ESRRB: variants seen among roughly 807,000 people sequenced by gnomAD.
ESRRB encodes the protein estrogen related receptor beta, also known as steroid hormone receptor ERR2.
ESRRB carries 16 observed loss-of-function variants against 46.0 expected under a neutral mutation model. That is an observed-to-expected ratio of 0.35 (90% CI 0.24 to 0.53). The LOEUF is 0.53. Ranked by LOEUF, ESRRB falls within the 20% of genes least tolerant of loss-of-function variation. The probability of loss-of-function intolerance (pLI) is 0.93; values close to 1 mark genes in which losing one functional copy is unlikely to be tolerated. For missense variants in ESRRB, 488 were observed against 607.4 expected (o/e 0.80, Z 2.07); for synonymous variants, 246 against 259.6 (o/e 0.95, Z 0.50).
intron 3 of ESRRB, among the ~76,000 whole-genome samples, chr14:76,478,394 G>A (rs1889665768): frequency 6.6e-6 from 1 of 152,000 alleles, no homozygotes; most frequent in Non-Finnish European, 1.5e-5. Context: ...ATCGGCAGAG[G>A]TGGCAGCTGC....
At chr14:76,395,632 A>G (rs1453946529) in intron 1 of ESRRB, among the ~76,000 whole-genome samples, 1 of 152,160 alleles carries the variant, frequency 6.6e-6, no homozygotes, top group East Asian at 1.9e-4. Context: ...TTGCAGAAGA[A>G]TTTAATAAAA....
intron 1 of ESRRB, among the ~76,000 whole-genome samples, chr14:76,413,683 T>C (rs1306840749): frequency 6.6e-6 from 1 of 152,160 alleles, no homozygotes; most frequent in Non-Finnish European, 1.5e-5. Context: ...TGCCATGAGC[T>C]ACTGAGCTTA....
chr14:76,475,866 ACTT>A (rs1889561759), intron 3 of ESRRB, among the ~76,000 whole-genome samples: 1 of 152,184 alleles, frequency 6.6e-6, no homozygotes, highest in Non-Finnish European at 1.5e-5. Flanking sequence ...TTTTAATTAA[ACTT>A]CTTATTTTGA....
intron 2 of ESRRB, among the ~76,000 whole-genome samples, chr14:76,446,352 G>GTT (rs72096180): frequency 6.7e-6 from 1 of 149,768 alleles, no homozygotes; most frequent in Non-Finnish European, 1.5e-5. Flanking sequence ...TGAAAGGGAG[G>GTT]TTTTTTTCTG....
intron 6 of ESRRB, among the ~76,000 whole-genome samples, chr14:76,496,394 G>C (rs756253061): frequency 6.6e-6 from 1 of 152,180 alleles, no homozygotes; most frequent in Non-Finnish European, 1.5e-5. Context: ...GAGACGGTTC[G>C]GTAGGATGGG....
chr14:76,434,689 A>G (rs1216539602), intron 1 of ESRRB, among the ~76,000 whole-genome samples: 1 of 151,914 alleles, frequency 6.6e-6, no homozygotes, highest in African/African-American at 2.4e-5. Flanking sequence ...AAAAAGAAAA[A>G]GAAAAAGAGC....
chr14:76,339,593 T>C (rs920639360), intron 1 of ESRRB, among the ~76,000 whole-genome samples: 2 of 152,148 alleles, frequency 1.3e-5, no homozygotes, highest in African/African-American at 4.8e-5. Flanking sequence ...TGTGTGGACA[T>C]GTGCGTGCTC....
At chr14:76,489,257 C>A (rs1890126171) in intron 5 of ESRRB, among the ~76,000 whole-genome samples, 1 of 152,002 alleles carries the variant, frequency 6.6e-6, no homozygotes. Context: ...TCCAACACTC[C>A]CCCCAACACA....
upstream of ESRRB, among the ~76,000 whole-genome samples, chr14:76,372,679 A>G (rs950684320): frequency 1.3e-5 from 2 of 152,128 alleles, no homozygotes; most frequent in Admixed American, 6.5e-5. Flanking sequence ...TAAAAATACA[A>G]AAACTAGCCA....
intron 1 of ESRRB, among the ~76,000 whole-genome samples, chr14:76,406,617 C>T (rs1886197284): frequency 6.6e-6 from 1 of 152,088 alleles, no homozygotes; most frequent in Non-Finnish European, 1.5e-5. Flanking sequence ...TGATGGCAGG[C>T]ACCTGTAATC....
chr14:76,435,438 T>C (rs1385552733), intron 1 of ESRRB, among the ~76,000 whole-genome samples: 1 of 152,222 alleles, frequency 6.6e-6, no homozygotes, highest in Admixed American at 6.5e-5. Context: ...GTGCCTGTCG[T>C]GTTCCCATTA....
chr14:76,379,944 A>C (rs1267083858), intron 1 of ESRRB, among the ~76,000 whole-genome samples: 1 of 151,852 alleles, frequency 6.6e-6, no homozygotes, highest in African/African-American at 2.4e-5. Flanking sequence ...GTAATCAATA[A>C]ATATTCCATT....
chr14:76,496,823 C>T (rs974676719), intron 6 of ESRRB, among the ~76,000 whole-genome samples: 1 of 152,156 alleles, frequency 6.6e-6, no homozygotes. Context: ...GACTGTGACC[C>T]CACACCATGG....
intron 1 of ESRRB, among the ~76,000 whole-genome samples, chr14:76,428,709 A>G (rs74068633): frequency 0.078 from 11,852 of 152,140 alleles, 595 homozygotes; most frequent in East Asian, 0.22. Flanking sequence ...TCTGCCTCCA[A>G]TTGTCTCTTC....
intron 1 of ESRRB, among the ~76,000 whole-genome samples, chr14:76,340,449 G>A (rs537763806): frequency 2.6e-5 from 4 of 152,310 alleles, no homozygotes; most frequent in South Asian, 2.1e-4. Context: ...GTTCGGTTCC[G>A]TGGCTTCATG....
At chr14:76,398,243 T>C (rs1341166315) in intron 1 of ESRRB, among the ~76,000 whole-genome samples, 1 of 152,132 alleles carries the variant, frequency 6.6e-6, no homozygotes, top group African/African-American at 2.4e-5. Context: ...TTCCTCATAT[T>C]CCAGATGAGG....
intron 1 of ESRRB, among the ~76,000 whole-genome samples, chr14:76,342,993 G>A (rs1884209347): frequency 6.6e-6 from 1 of 152,192 alleles, no homozygotes; most frequent in Admixed American, 6.5e-5. Flanking sequence ...ACAAGGTGAT[G>A]GAGTGGACAG....
chr14:76,427,928 GC>G (rs1233095857), intron 1 of ESRRB, among the ~76,000 whole-genome samples: 1 of 152,160 alleles, frequency 6.6e-6, no homozygotes, highest in Non-Finnish European at 1.5e-5. Context: ...AAGCTCTCTG[GC>G]CCAGCGCCAT....
chr14:76,435,125 G>A (rs1887618700), intron 1 of ESRRB, among the ~76,000 whole-genome samples: 1 of 152,208 alleles, frequency 6.6e-6, no homozygotes, highest in South Asian at 2.1e-4. Context: ...GGGGCCTGAT[G>A]GGCAGCCGCT....
Sources: allele counts gnomAD v4.1 joint callset (sites outside exome capture counted in the v4.1 genomes callset), GRCh38; gene constraint gnomAD v4.1.1; transcripts MANE v1.5; gene names NCBI Gene and HGNC (gene_info 2026-07-23, HGNC 2026-07-21).